The following REV3L variants were observed in gnomAD, a reference collection of about 807,000 sequenced individuals.
REV3L encodes the protein REV3 like, DNA directed polymerase zeta catalytic subunit, also known as DNA polymerase zeta catalytic subunit.
A neutral mutation model predicts 299.4 loss-of-function variants in REV3L; 69 were observed. The observed-to-expected ratio is 0.23, with a 90% confidence interval of 0.19 to 0.28. The LOEUF is 0.28. Ranked by LOEUF, REV3L falls within the 10% of genes least tolerant of loss-of-function variation. REV3L has a pLI of 1.00. For missense variants in REV3L, 3,128 were observed against 3,693.8 expected (o/e 0.85, Z 3.97); for synonymous variants, 1,238 against 1,271.4 (o/e 0.97, Z 0.56).
chr6:111,366,137 G>A (rs910541682), intron 14 of REV3L, among the ~76,000 whole-genome samples: 1 of 152,140 alleles, frequency 6.6e-6, no homozygotes, highest in Non-Finnish European at 1.5e-5. Flanking sequence ...ATTGAAATAA[G>A]GAAAACTGAA....
chr6:111,468,586 A>T (rs1392409438), intron 1 of REV3L, among the ~76,000 whole-genome samples: 1 of 152,202 alleles, frequency 6.6e-6, no homozygotes, highest in Non-Finnish European at 1.5e-5. Context: ...GATCCATTTT[A>T]TGTCTATTAG....
chr6:111,480,056 G>C (rs1175673530), intron 1 of REV3L, among the ~76,000 whole-genome samples: 2 of 152,114 alleles, frequency 1.3e-5, no homozygotes, highest in African/African-American at 2.4e-5. Flanking sequence ...ATTTTGAAAC[G>C]GCCACTTCAT....
chr6:111,328,770 A>C (rs1348599810), intron 25 of REV3L, among the ~76,000 whole-genome samples: 4 of 152,148 alleles, frequency 2.6e-5, no homozygotes, highest in African/African-American at 9.7e-5. Flanking sequence ...ATGCTGCTTT[A>C]GTCTCTTTTT....
chr6:111,470,406 T>C (rs993778236), intron 1 of REV3L, among the ~76,000 whole-genome samples: 8 of 152,224 alleles, frequency 5.3e-5, no homozygotes, highest in African/African-American at 1.2e-4. Context: ...TGCATCACTT[T>C]AGGCAAAGTT....
intron 18 of REV3L, among the ~76,000 whole-genome samples, chr6:111,352,449 G>A (rs1301833496): frequency 1.3e-5 from 2 of 152,112 alleles, no homozygotes; most frequent in Admixed American, 1.3e-4. Flanking sequence ...TGTGGGCAGG[G>A]GAAGGTGAAG....
rs561182579 is a variant in REV3L, at chr6:111,300,105, G to T, written c.9304C>A (p.Leu3102Met). 11 of 1,613,356 alleles carry T rather than the reference G, an allele frequency of 6.8e-6. No homozygotes were observed. Among genetic ancestry groups the T allele is most frequent in the Admixed American group, 1.7e-5 (1 of 59,910 alleles). The change falls in exon 32 of 32, where the codon CTG (leucine) becomes ATG (methionine). Residue 3102 changes from leucine (L) to methionine (M), a missense_variant. Coordinates refer to ENST00000368802, the MANE Select transcript of REV3L (RefSeq NM_001372078.1). ...CFDRHIPCVS[L>M]NCPVLFKLSR... is the part of the protein sequence containing the mutation. ...AGTTTGAAAAGTACTGGGCAGTTCA[G>T]AGAAACACATGGGATGTGTCGATCA...
At chr6:111,336,279 T>C (rs1775889157) in intron 21 of REV3L, among the ~76,000 whole-genome samples, 1 of 151,994 alleles carries the variant, frequency 6.6e-6, no homozygotes, top group Non-Finnish European at 1.5e-5. Flanking sequence ...AATTTTAATA[T>C]TATAAGATGT....
chr6:111,376,124 C>G lies in REV3L; in HGVS notation c.2231G>C (p.Cys744Ser). ...SLFPSSFTENCELLSCSGENR... is the reference protein window; with the variant it reads ...SLFPSSFTENSELLSCSGENR... The stretch of plus-strand genomic sequence containing the variant: ...CTCCCCTGAGCATGACAGTAATTCA[C>G]AATTTTCAGTAAATGATGAAGGGAA... Residue 744 changes from cysteine to serine, a missense_variant, in exon 13 of 32, where the codon TGT becomes TCT. By Grantham distance (112) the Cys-to-Ser change is moderately radical. Transcript: ENST00000368802. The G allele has an allele frequency of 6.2e-7, 1 of 1,613,148 alleles. No homozygotes were observed. Among genetic ancestry groups the G allele is most frequent in the Non-Finnish European group, 8.5e-7 (1 of 1,179,934 alleles).
intron 16 of REV3L, among the ~76,000 whole-genome samples, chr6:111,359,280 C>T (rs1331427963): frequency 6.6e-6 from 1 of 152,048 alleles, no homozygotes; most frequent in Non-Finnish European, 1.5e-5. Context: ...TGCAGGATCT[C>T]TCAATGCCTG....
chr6:111,381,587 CAT>C, intron 9 of REV3L, 143 bp from the exon 10 acceptor site: 1 of 660,174 alleles, frequency 1.5e-6, no homozygotes, highest in Non-Finnish European at 2.5e-6. Context: ...CAAATAAAAA[CAT>C]AATAAAAAGC....
rs755936474 is a variant in REV3L, at chr6:111,376,042, T to C, written c.2313A>G (p.Lys771=). The C allele has an allele frequency of 6.2e-7, 1 of 1,614,014 alleles. No individual in the cohort carries two copies. The highest frequency in any genetic ancestry group is 1.7e-5 in the Admixed American group (1 of 60,016). ...GAAATTCTTCATACCTAATTTTAAG[T>C]TTATTTAGTCCACTTTCATCAGCAG... The part of the protein sequence containing the change: ...NSTADESGLN[K]LKIRYEEFQE... The change falls in exon 13 of 32, where the codon AAA becomes AAG. Residue 771 remains lysine, a synonymous_variant. Coordinates refer to ENST00000368802, the MANE Select transcript of REV3L (RefSeq NM_001372078.1).
chr6:111,412,185 T>A, intron 2 of REV3L: 1 of 985,354 alleles, frequency 1.0e-6, no homozygotes, highest in South Asian at 4.7e-5. Flanking sequence ...CCATATCAAG[T>A]GCATCCTGTG....
chr6:111,395,747 TG>T (rs1782432754), intron 4 of REV3L, among the ~76,000 whole-genome samples: 1 of 152,136 alleles, frequency 6.6e-6, no homozygotes, highest in South Asian at 2.1e-4. Flanking sequence ...GTGGTAAAAA[TG>T]GGCATCCTGT....
At chr6:111,435,899 G>C (rs972458254) in intron 1 of REV3L, among the ~76,000 whole-genome samples, 1 of 152,094 alleles carries the variant, frequency 6.6e-6, no homozygotes, top group African/African-American at 2.4e-5. Flanking sequence ...ATATTCACAC[G>C]CTACTCATCT....
At chr6:111,482,724 C>CCGCCCCG in intron 1 of REV3L, 26 bp downstream of exon 1, 1 of 1,304,116 alleles carries the variant, frequency 7.7e-7, no homozygotes, top group Non-Finnish European at 9.8e-7. Context: ...ACTCCCGCTC[C>CCGCCCCG]CGCCCCGCGC....
At chr6:111,450,104 C>T (rs192241148) in intron 1 of REV3L, among the ~76,000 whole-genome samples, 66 of 151,904 alleles carry the variant, frequency 4.3e-4, no homozygotes, top group South Asian at 1.5e-3. Context: ...TCAGAAATGC[C>T]GGAATTAAAG....
chr6:111,335,481 T>C lies in REV3L; in HGVS notation c.7668A>G (p.Thr2556=). The C allele has an allele frequency of 6.2e-7, 1 of 1,612,758 alleles. No individual in the cohort carries two copies. Among genetic ancestry groups the C allele is most frequent in the Non-Finnish European group, 8.5e-7 (1 of 1,179,344 alleles). Reference sequence around the variant, plus strand: ...ACTGATTTCCCACCTGTGAACCCCTTGTCAGTACATGTAAAAACTGAATGC... The same window carrying C: ...ACTGATTTCCCACCTGTGAACCCCTCGTCAGTACATGTAAAAACTGAATGC... The part of the protein sequence containing the change: ...LFGIQFLHVL[T]RGSQYRVESM... Residue 2556 remains threonine, a synonymous_variant, in exon 22 of 32, where the codon ACA becomes ACG. Coordinates refer to ENST00000368802, the MANE Select transcript of REV3L (RefSeq NM_001372078.1).
intron 1 of REV3L, among the ~76,000 whole-genome samples, chr6:111,422,589 TATATA>T: frequency 3.4e-5 from 1 of 29,090 alleles, no homozygotes; most frequent in African/African-American, 9.1e-5. Flanking sequence ...CATATATATA[TATATA>T]CACATATATA....
chr6:111,456,632 A>C (rs1001668106), intron 1 of REV3L, among the ~76,000 whole-genome samples: 27 of 152,326 alleles, frequency 1.8e-4, no homozygotes, highest in Middle Eastern at 3.4e-3. Flanking sequence ...ACATTTAAAA[A>C]TGCATATAAC....
Sources: allele counts gnomAD v4.1 joint callset (sites outside exome capture counted in the v4.1 genomes callset), GRCh38; gene constraint gnomAD v4.1.1; transcripts MANE v1.5; gene names NCBI Gene and HGNC (gene_info 2026-07-23, HGNC 2026-07-21).